The following CPQ variants were observed in gnomAD, a reference collection of about 807,000 sequenced individuals.
The protein encoded by CPQ is carboxypeptidase Q.
CPQ carries 37 observed loss-of-function variants against 45.7 expected under a neutral mutation model. That is an observed-to-expected ratio of 0.81 (90% confidence interval 0.62 to 1.07). The LOEUF is 1.07. Among genes scored for constraint, CPQ ranks in the 50% least tolerant of loss-of-function variants. The pLI, the probability that CPQ is intolerant of heterozygous loss-of-function variation, is 0.00. For synonymous variants in CPQ, 186 were observed against 205.8 expected (o/e 0.90, Z 0.82); for missense variants, 537 against 572.9 (o/e 0.94, Z 0.64).
chr8:96,692,349 T>A (rs1055032587), intron 1 of CPQ, among the ~76,000 whole-genome samples: 15 of 151,624 alleles, frequency 9.9e-5, no homozygotes, highest in African/African-American at 3.6e-4. Context: ...ACATAGGCAG[T>A]GGTCAGGTAG....
intron 7 of CPQ, among the ~76,000 whole-genome samples, chr8:97,079,368 G>T (rs1414180289): frequency 6.6e-6 from 1 of 152,106 alleles, no homozygotes; most frequent in Non-Finnish European, 1.5e-5. Flanking sequence ...TGGAAAAGAG[G>T]CTTAAGGAGA....
At chr8:96,919,978 A>G (rs918451536) in intron 4 of CPQ, among the ~76,000 whole-genome samples, 9 of 152,166 alleles carry the variant, frequency 5.9e-5, no homozygotes, top group African/African-American at 1.9e-4. Context: ...GCCTCAATTC[A>G]TCTATGTTAA....
chr8:96,767,876 T>C (rs1333549175), intron 1 of CPQ, among the ~76,000 whole-genome samples: 26 of 152,002 alleles, frequency 1.7e-4, no homozygotes. Flanking sequence ...ACCCCTAACC[T>C]CAGATGATCC....
chr8:96,990,193 A>T (rs1406933367), intron 5 of CPQ, among the ~76,000 whole-genome samples: 1 of 151,762 alleles, frequency 6.6e-6, no homozygotes, highest in Non-Finnish European at 1.5e-5. Context: ...AGGCTCTGCT[A>T]CTCTTCCAGC....
intron 4 of CPQ, among the ~76,000 whole-genome samples, chr8:96,957,915 CCA>C (rs946991245): frequency 6.0e-5 from 9 of 151,158 alleles, no homozygotes; most frequent in African/African-American, 2.0e-4. Flanking sequence ...CTCACTGTAG[CCA>C]CAGTCTTCTG....
intron 2 of CPQ, among the ~76,000 whole-genome samples, chr8:96,832,016 A>T (rs1207749316): frequency 1.3e-5 from 2 of 152,194 alleles, no homozygotes; most frequent in Non-Finnish European, 2.9e-5. Context: ...CACTGTAGAA[A>T]GTTCTCTTAG....
At chr8:97,000,744 A>C (rs1809264594) in intron 5 of CPQ, among the ~76,000 whole-genome samples, 1 of 152,152 alleles carries the variant, frequency 6.6e-6, no homozygotes, top group African/African-American at 2.4e-5. Flanking sequence ...TTCCATGTGA[A>C]TTTTAAAATA....
chr8:96,790,018 A>G (rs1029281419), intron 2 of CPQ, among the ~76,000 whole-genome samples: 15 of 152,076 alleles, frequency 9.9e-5, no homozygotes, highest in South Asian at 2.1e-4. Context: ...TGTTAAAGCT[A>G]TGGTTGTTCT....
intron 5 of CPQ, among the ~76,000 whole-genome samples, chr8:97,019,648 A>AT (rs1809643628): frequency 2.0e-5 from 3 of 152,194 alleles, no homozygotes; most frequent in Admixed American, 1.3e-4. Context: ...TATAATGATA[A>AT]AAGGCCTTGT....
intron 1 of CPQ, among the ~76,000 whole-genome samples, chr8:96,719,103 G>A (rs531021932): frequency 2.0e-5 from 3 of 152,336 alleles, no homozygotes; most frequent in South Asian, 2.1e-4. Flanking sequence ...CAGCCCTTGG[G>A]TGGTCGATAG....
intron 1 of CPQ, among the ~76,000 whole-genome samples, chr8:96,759,119 A>G (rs973751132): frequency 1.3e-5 from 2 of 152,130 alleles, no homozygotes; most frequent in Admixed American, 6.6e-5. Flanking sequence ...GGGAAAGAAT[A>G]TGCCACCTGT....
chr8:96,727,693 T>C (rs931394443), intron 1 of CPQ, among the ~76,000 whole-genome samples: 34 of 152,204 alleles, frequency 2.2e-4, no homozygotes, highest in Admixed American at 1.7e-3. Flanking sequence ...GGGTGACACA[T>C]TCAAATGCTT....
intron 7 of CPQ, among the ~76,000 whole-genome samples, chr8:97,138,778 G>C (rs1812104836): frequency 6.6e-6 from 1 of 152,070 alleles, no homozygotes; most frequent in African/African-American, 2.4e-5. Context: ...GGCCACTAGT[G>C]TACTTTATAA....
chr8:96,827,109 C>T (rs538224883), intron 2 of CPQ, among the ~76,000 whole-genome samples: 1 of 152,070 alleles, frequency 6.6e-6, no homozygotes, highest in Non-Finnish European at 1.5e-5. Flanking sequence ...CAGAGAAAGT[C>T]TCTTGGCCAA....
chr8:96,871,414 G>A (rs1372527907), intron 3 of CPQ, among the ~76,000 whole-genome samples: 3 of 151,714 alleles, frequency 2.0e-5, no homozygotes, highest in Non-Finnish European at 4.4e-5. Flanking sequence ...ATGGTGTAAC[G>A]CAAAAACATT....
At chr8:96,813,631 T>G (rs138877176) in intron 2 of CPQ, among the ~76,000 whole-genome samples, 1 of 152,204 alleles carries the variant, frequency 6.6e-6, no homozygotes, top group African/African-American at 2.4e-5. Context: ...TTGAGGAAAT[T>G]ATGATGAAAA....
At chr8:97,031,588 AAAG>A (rs777346939) in intron 6 of CPQ, among the ~76,000 whole-genome samples, 2 of 152,228 alleles carry the variant, frequency 1.3e-5, no homozygotes, top group Admixed American at 6.5e-5. Flanking sequence ...GAATGTGAAA[AAAG>A]AAGGTTTATT....
chr8:96,990,820 G>A (rs1458401908), intron 5 of CPQ, among the ~76,000 whole-genome samples: 2 of 152,158 alleles, frequency 1.3e-5, no homozygotes, highest in African/African-American at 4.8e-5. Flanking sequence ...GGTAGCAGGT[G>A]ACCCCTAGGA....
chr8:97,030,506 T>C (rs1809882873), intron 6 of CPQ, among the ~76,000 whole-genome samples: 1 of 152,202 alleles, frequency 6.6e-6, no homozygotes, highest in African/African-American at 2.4e-5. Flanking sequence ...TGCCCTACTC[T>C]TTCACCACTT....
Sources: allele counts gnomAD v4.1 joint callset (sites outside exome capture counted in the v4.1 genomes callset), GRCh38; gene constraint gnomAD v4.1.1; transcripts MANE v1.5; gene names NCBI Gene and HGNC (gene_info 2026-07-23, HGNC 2026-07-21).